GRIK4: variants seen among roughly 807,000 people sequenced by gnomAD.
GRIK4 encodes the protein glutamate ionotropic receptor kainate type subunit 4.
In GRIK4, 40 loss-of-function variants were observed where a neutral mutation model predicts 104.9. That is an observed-to-expected ratio of 0.38 (90% CI 0.30 to 0.50). The LOEUF (loss-of-function observed/expected upper bound fraction) is 0.50. GRIK4 is among the 20% of genes least tolerant of loss of function. The pLI is 0.93. For missense variants in GRIK4, 1,047 were observed against 1,308.1 expected (o/e 0.80, Z 3.08); for synonymous variants, 485 against 524.9 (o/e 0.92, Z 1.04).
At chr11:120,823,272 G>A (rs968509682) in intron 6 of GRIK4, among the ~76,000 whole-genome samples, 8 of 152,152 alleles carry the variant, frequency 5.3e-5, no homozygotes, top group African/African-American at 1.9e-4. Flanking sequence ...AGCTCTTGCT[G>A]GGCTTTTGGG....
chr11:120,685,132 C>T (rs1950256279), intron 3 of GRIK4, among the ~76,000 whole-genome samples: 1 of 152,280 alleles, frequency 6.6e-6, no homozygotes, highest in South Asian at 2.1e-4. Context: ...GGAGCTTAGT[C>T]TTCAGGTACT....
At chr11:120,891,841 G>A (rs914164837) in intron 11 of GRIK4, among the ~76,000 whole-genome samples, 1 of 152,188 alleles carries the variant, frequency 6.6e-6, no homozygotes, top group African/African-American at 2.4e-5. Flanking sequence ...GCTGAAGCCT[G>A]AGGGGATTAA....
intron 3 of GRIK4, among the ~76,000 whole-genome samples, chr11:120,800,328 C>T (rs1952599747): frequency 6.6e-6 from 1 of 152,168 alleles, no homozygotes. Context: ...CCAGGGAGGA[C>T]CATTTGAGAA....
intron 1 of GRIK4, among the ~76,000 whole-genome samples, chr11:120,621,871 A>G (rs922833976): frequency 1.3e-5 from 2 of 151,886 alleles, no homozygotes; most frequent in Admixed American, 6.6e-5. Context: ...GCTTGTCTTT[A>G]TATATGTCAT....
At chr11:120,858,189 G>A (rs1013310186) in intron 8 of GRIK4, 5 of 152,236 alleles carry the variant, frequency 3.3e-5, no homozygotes, top group Non-Finnish European at 5.9e-5. Context: ...GTGTGGCTGG[G>A]GCGGGGTTGG....
At chr11:120,583,574 TCTGTTTTGTGTACCAGTACCATG>T (rs1372703272) in intron 1 of GRIK4, among the ~76,000 whole-genome samples, 69 of 152,332 alleles carry the variant, frequency 4.5e-4, no homozygotes, top group Middle Eastern at 3.4e-3. Flanking sequence ...GGTCTATGTT[TCTGTTTTGTGTACCAGTACCATG>T]CTGTTTTGTT....
intron 3 of GRIK4, among the ~76,000 whole-genome samples, chr11:120,788,821 C>A (rs1952340091): frequency 6.6e-6 from 1 of 151,760 alleles, no homozygotes. Context: ...CCCTCCCTTC[C>A]CAGACCGGCT....
intron 3 of GRIK4, among the ~76,000 whole-genome samples, chr11:120,750,141 G>A (rs1029238811): frequency 1.3e-5 from 2 of 152,040 alleles, no homozygotes; most frequent in South Asian, 2.1e-4. Context: ...GTTGAGACAG[G>A]ACCTGTGGCT....
intron 9 of GRIK4, 81 bp from the exon 10 acceptor site, chr11:120,873,985 C>A: frequency 1.6e-6 from 2 of 1,246,480 alleles, no homozygotes; most frequent in Non-Finnish European, 1.1e-6. Context: ...TTCCTCCATT[C>A]CTCTTATTTT....
At chr11:120,908,327 G>A (rs1456567263) in intron 13 of GRIK4, among the ~76,000 whole-genome samples, 2 of 152,172 alleles carry the variant, frequency 1.3e-5, no homozygotes, top group African/African-American at 4.8e-5. Context: ...TTTACTAGCT[G>A]TGTGTGCTTA....
chr11:120,984,632 A>G (rs12796298), intron 20 of GRIK4, among the ~76,000 whole-genome samples: 35,283 of 151,512 alleles, frequency 0.23, 4,286 homozygotes, highest in African/African-American at 0.3. Flanking sequence ...GCCGGGTGTG[A>G]TGGCACGTGC....
At chr11:120,613,893 G>A (rs1307501315) in intron 1 of GRIK4, among the ~76,000 whole-genome samples, 3 of 152,204 alleles carry the variant, frequency 2.0e-5, no homozygotes, top group Admixed American at 1.3e-4. Flanking sequence ...AAAGTTGCCA[G>A]CCCTACTATA....
intron 13 of GRIK4, among the ~76,000 whole-genome samples, chr11:120,932,684 T>C (rs1354038705): frequency 6.6e-6 from 1 of 152,166 alleles, no homozygotes; most frequent in East Asian, 1.9e-4. Context: ...AACTGTAGCC[T>C]CCCAAAGCTT....
At chr11:120,577,958 C>T (rs919177777) in intron 1 of GRIK4, among the ~76,000 whole-genome samples, 1 of 152,188 alleles carries the variant, frequency 6.6e-6, no homozygotes, top group African/African-American at 2.4e-5. Flanking sequence ...CCTGTAGTGG[C>T]TTCTCAGAGC....
chr11:120,935,836 C>A (rs1261249533), intron 13 of GRIK4, among the ~76,000 whole-genome samples: 3 of 152,100 alleles, frequency 2.0e-5, no homozygotes, highest in African/African-American at 7.2e-5. Context: ...ATTAAAAATA[C>A]CACCAGGACA....
intron 19 of GRIK4, among the ~76,000 whole-genome samples, chr11:120,976,922 G>C (rs11602486): frequency 0.034 from 5,186 of 152,300 alleles, 293 homozygotes; most frequent in African/African-American, 0.12. Context: ...TAGGACATGA[G>C]TGTACCTGAA....
At chr11:120,969,377 A>T (rs1443647146) in intron 19 of GRIK4, among the ~76,000 whole-genome samples, 1 of 152,088 alleles carries the variant, frequency 6.6e-6, no homozygotes, top group Non-Finnish European at 1.5e-5. Context: ...CCGTGGGAGG[A>T]GGGCATTGCA....
intron 8 of GRIK4, among the ~76,000 whole-genome samples, chr11:120,848,137 A>T (rs1376180022): frequency 6.6e-6 from 1 of 152,144 alleles, no homozygotes; most frequent in Non-Finnish European, 1.5e-5. Context: ...CTGGAGGAGG[A>T]ATGCTGCAGG....
intron 11 of GRIK4, 108 bp downstream of exon 11, chr11:120,875,351 C>G: frequency 1.4e-6 from 1 of 733,840 alleles, no homozygotes; most frequent in Non-Finnish European, 2.4e-6. Context: ...CCAACAGCAG[C>G]AGGCTGGATC....
Sources: allele counts gnomAD v4.1 joint callset (sites outside exome capture counted in the v4.1 genomes callset), GRCh38; gene constraint gnomAD v4.1.1; transcripts MANE v1.5; gene names NCBI Gene and HGNC (gene_info 2026-07-23, HGNC 2026-07-21).